RYR1: variants seen among roughly 807,000 people sequenced by gnomAD.
RYR1 encodes the protein ryanodine receptor 1.
A neutral mutation model predicts 583.5 loss-of-function variants in RYR1; 342 were observed. That is an observed-to-expected ratio of 0.59 (90% CI 0.54 to 0.64). The LOEUF is 0.64. RYR1 is among the 30% of genes least tolerant of loss of function. RYR1 has a pLI of 0.00. For missense variants in RYR1, 6,032 were observed against 6,917.2 expected, an observed-to-expected ratio of 0.87 and a Z score of 4.54; for synonymous variants, 2,791 against 2,822.5, an observed-to-expected ratio of 0.99 and a Z score of 0.35.
At chr19:38,536,832 C>A in intron 83 of RYR1, 65 bp downstream of exon 83, 1 of 1,546,208 alleles carries the variant, frequency 6.5e-7, no homozygotes, top group Non-Finnish European at 8.9e-7. Context: ...CCCGTCCACC[C>A]CTCCACCTAG....
chr19:38,535,098 C>T lies in RYR1; in HGVS notation c.11360-43C>T, dbSNP rs775791005. ...TTTTCTGGTGGGTGGAACACACTGC[C>T]TTCCAACTGGGTGGACCATCTTTTT... On this transcript the variant is annotated intron_variant, in intron 79 of 105. Transcript: ENST00000359596. 1.9e-6 allele frequency: 3 copies of T among 1,589,834 alleles called. No individual in the cohort carries two copies. In the African/African-American group the frequency reaches 4.0e-5, roughly 21 times the overall value.
Position 38,499,620 on chromosome 19 carries a change from C to T in RYR1, c.7028-15C>T. 1.9e-6 allele frequency: 3 copies of T among 1,597,064 alleles called. No individual in the cohort carries two copies. The highest frequency in any genetic ancestry group is 4.5e-5 in the East Asian group (2 of 44,870). On this transcript the variant is annotated splice_polypyrimidine_tract_variant and intron_variant, in intron 43 of 105. Coordinates refer to ENST00000359596, the MANE Select transcript of RYR1 (RefSeq NM_000540.3). The surrounding 1 kb of genome is among the most constrained non-coding windows in gnomAD (Gnocchi z 7.3). ...GGTGGCTCATGAGACCCCCTTTCCC[C>T]ATGCGGGTGGCCAGGCGAGAGCGTG...
chr19:38,545,912 T>C (rs979725896), intron 87 of RYR1, among the ~76,000 whole-genome samples: 20 of 152,266 alleles, frequency 1.3e-4, no homozygotes, highest in African/African-American at 4.8e-4. Context: ...GGCAAAACTT[T>C]GTATTGGAGG....
At chr19:38,437,933 G>A (rs1972497568) in intron 1 of RYR1, among the ~76,000 whole-genome samples, 1 of 151,118 alleles carries the variant, frequency 6.6e-6, no homozygotes, top group South Asian at 2.1e-4. Context: ...GCTGCAGTGA[G>A]CTATGATCGT....
chr19:38,497,692 G>T lies in RYR1; in HGVS notation c.6891+738G>T, dbSNP rs995550566. Among the ~76,000 whole-genome samples the T allele has an allele frequency of 3.3e-5, 5 of 152,284 alleles. No individual in the cohort carries two copies. In the South Asian group the frequency reaches 1.0e-3, roughly 32 times the overall value. The stretch of plus-strand genomic sequence containing the variant: ...ATATGACAGTCAAAAATCCCTGTCT[G>T]GCCAGGCAAAGTGGCTTACATCTAT... On this transcript the variant is annotated intron_variant, in intron 42 of 105. Transcript: ENST00000359596.
chr19:38,503,102 C>T (rs1970274119), intron 49 of RYR1, 132 bp downstream of exon 49: 1 of 832,770 alleles, frequency 1.2e-6, no homozygotes, highest in Non-Finnish European at 2.0e-6. Context: ...GGCAGCGTCC[C>T]CGTAGAAATC....
At chr19:38,436,411 A>G (rs868216903) in intron 1 of RYR1, among the ~76,000 whole-genome samples, 2 of 150,592 alleles carry the variant, frequency 1.3e-5, no homozygotes, top group African/African-American at 4.9e-5. Context: ...GTCTCACTAT[A>G]TTGCCCAGGC....
rs750824483 is a variant in RYR1 at position 38,575,899 on chromosome 19, T to TTCTC, written c.14130-8_14130-5dup. On this transcript the variant is annotated intron_variant, in intron 96 of 105. Transcript: ENST00000359596. ...GGCCCTAACATCTTATACTCACGCT[T>TTCTC]TCTCTCTCTCTCTCTGCAGGTCTTT... 1.1e-5 allele frequency: 17 copies of TTCTC among 1,588,324 alleles called. No individual in the cohort carries two copies. Among genetic ancestry groups the TTCTC allele is most frequent in the South Asian group, 1.1e-5 (1 of 90,038 alleles).
intron 1 of RYR1, among the ~76,000 whole-genome samples, chr19:38,439,961 A>G (rs757335973): frequency 6.6e-6 from 1 of 152,240 alleles, no homozygotes. Context: ...ATGAGCTTAA[A>G]AAGCAATTTA....
chr19:38,511,465 T>C (rs1600868398), intron 60 of RYR1, 96 bp from the exon 61 acceptor site: 2 of 1,284,128 alleles, frequency 1.6e-6, no homozygotes, highest in Non-Finnish European at 2.3e-6. Context: ...TTGTCTTCTC[T>C]GTCCCTGTCT....
intron 68 of RYR1, 28 bp downstream of exon 68, chr19:38,523,143 C>T (rs770187231): frequency 2.0e-5 from 32 of 1,614,044 alleles, no homozygotes; most frequent in Non-Finnish European, 2.6e-5. Context: ...CCGCCCTCCC[C>T]ACAACCAGAG....
intron 83 of RYR1, 58 bp downstream of exon 83, chr19:38,536,825 G>A (rs1486708228): frequency 7.1e-6 from 11 of 1,559,620 alleles, no homozygotes; most frequent in Non-Finnish European, 9.7e-6. Flanking sequence ...TCCTAACCCC[G>A]TCCACCCCTC....
At chr19:38,513,077 C>T (rs550845928) in intron 63 of RYR1, among the ~76,000 whole-genome samples, 1 of 152,340 alleles carries the variant, frequency 6.6e-6, no homozygotes, top group Non-Finnish European at 1.5e-5. Flanking sequence ...GTGGCTCACG[C>T]CTGTAATCCC....
chr19:38,507,756 G>T lies in RYR1; in HGVS notation c.8861G>T (p.Arg2954Leu), dbSNP rs1970541664. Residue 2954 changes from arginine (R) to leucine (L), a missense_variant, in exon 58 of 106, where the codon CGG (arginine) becomes CTG (leucine). This residue lies in a region of RYR1 where 1,493 missense variants were observed against 1,715.5 expected (regional missense o/e 0.87). Coordinates refer to ENST00000359596, the MANE Select transcript of RYR1 (RefSeq NM_000540.3). The stretch of plus-strand genomic sequence containing the variant: ...CTGGACTCGTCTTCCATTGAAAAGC[G>T]GTTTGCCTTTGGCTTCCTGCAGCAG... The part of the protein sequence containing the change: ...MELDSSSIEK[R>L]FAFGFLQQLL... 4.3e-6 allele frequency: 7 copies of T among 1,613,770 alleles called. No homozygotes were observed. The highest frequency in any genetic ancestry group is 1.3e-5 in the African/African-American group (1 of 74,886).
chr19:38,565,155 G>A lies in RYR1; in HGVS notation c.12821G>A (p.Gly4274Asp), dbSNP rs1487543726. 16 of 1,496,824 alleles carry A rather than the reference G, an allele frequency of 1.1e-5. No individual in the cohort carries two copies. The highest frequency in any genetic ancestry group is 3.7e-5 in the South Asian group (3 of 81,990). 92.7% of individuals were successfully genotyped at this position (1,496,824 alleles called of 1,614,324 possible). Residue 4274 changes from glycine (G) to aspartate (D), a missense_variant, in exon 91 of 106, where the codon GGC (glycine) becomes GAC (aspartate). Gly to Asp is a moderately conservative substitution (Grantham distance 94). Coordinates refer to ENST00000359596, the MANE Select transcript of RYR1 (RefSeq NM_000540.3). This position sits in a 1 kb window ranked among gnomAD's most constrained non-coding sequence, Gnocchi z 4.7. ...GGCGCGGCGGAGGCGGGCGCGGAAG[G>A]CGCGGAGGAGGGCGCGGCGGGGCTC... ...GAGAAEAGAE[G>D]AEEGAAGLEG...
chr19:38,462,861 G>T (rs79666591), intron 20 of RYR1, among the ~76,000 whole-genome samples: 1 of 144,110 alleles, frequency 6.9e-6, no homozygotes, highest in Non-Finnish European at 1.5e-5. Flanking sequence ...AGACAGACCC[G>T]TCCCAGATAA....
At position 38,525,521 on chromosome 19, in the gene RYR1, C is replaced by T. The variant is rs962263135; in HGVS notation, c.10626+19C>T. The T allele has an allele frequency of 6.2e-7, 1 of 1,612,384 alleles. No homozygotes were observed. The stretch of plus-strand genomic sequence containing the variant: ...CGCCCTGGTGCCTGCCCAGCCCCGT[C>T]CTCGGAACCTTCCAGGATGCCGCCC... On this transcript the variant is annotated intron_variant, in intron 71 of 105. Transcript: ENST00000359596.
chr19:38,480,922 C>G (rs1968978882), intron 31 of RYR1, among the ~76,000 whole-genome samples: 1 of 151,810 alleles, frequency 6.6e-6, no homozygotes, highest in South Asian at 2.1e-4. Context: ...GAGACGGGGT[C>G]TGGCTATATT....
chr19:38,562,978 T>C (rs2907618), intron 90 of RYR1, among the ~76,000 whole-genome samples: 3,843 of 152,234 alleles, frequency 0.025, 186 homozygotes, highest in African/African-American at 0.084. Flanking sequence ...GGTTGCAGCA[T>C]CCTGGCACCC....
Sources: gnomAD v4.1 joint callset for allele counts (sites outside exome capture counted in the v4.1 genomes callset) on GRCh38, gnomAD v4.1.1 for gene constraint, gnomAD v4.1.1 regional missense constraint, Gnocchi (gnomAD v3.1) non-coding constraint, MANE v1.5 for transcripts, NCBI Gene and HGNC (gene_info 2026-07-23, HGNC 2026-07-21) for gene names.